Variants in COPS2 observed in about 807,000 individuals in gnomAD.
COPS2 encodes the protein COP9 signalosome complex subunit 2.
COPS2 carries 10 observed loss-of-function variants against 66.1 expected under a neutral mutation model. That is an observed-to-expected ratio of 0.15 (90% confidence interval 0.09 to 0.26). The LOEUF (loss-of-function observed/expected upper bound fraction) is 0.26. Ranked by LOEUF, COPS2 falls within the 10% of genes least tolerant of loss-of-function variation. The pLI is 1.00. For synonymous variants in COPS2, 179 were observed against 171.3 expected (o/e 1.04, Z -0.35); for missense variants, 215 against 513.3 (o/e 0.42, Z 5.62).
intron 1 of COPS2, among the ~76,000 whole-genome samples, chr15:49,147,433 A>G (rs1302224383): frequency 6.6e-6 from 1 of 152,200 alleles, no homozygotes; most frequent in Non-Finnish European, 1.5e-5. Context: ...TTTCGAGAAG[A>G]GGAAAGTAGA....
chr15:49,134,598 A>C (rs1239195446), intron 6 of COPS2, 84 bp from the exon 7 acceptor site: 1 of 1,088,978 alleles, frequency 9.2e-7, no homozygotes, highest in African/African-American at 1.6e-5. Context: ...TCTTACATTT[A>C]TAATACTATT....
chr15:49,146,023 C>G (rs2084318744), intron 1 of COPS2, among the ~76,000 whole-genome samples: 1 of 151,942 alleles, frequency 6.6e-6, no homozygotes, highest in South Asian at 2.1e-4. Flanking sequence ...TTTCTAAATC[C>G]AAATACAGGT....
chr15:49,126,533 T>C lies in COPS2; in HGVS notation c.*1417A>G, dbSNP rs1001906517. ...GTTTTTACATAATAATAACAAGCAA[T>C]AGAAAAACCAAAGAAATTATGTTAA... On this transcript the variant is annotated 3_prime_UTR_variant, in exon 13 of 13. Transcript: ENST00000388901. The C allele has an allele frequency of 1.3e-5, 2 of 152,466 alleles. No individual in the cohort carries two copies. The highest frequency in any genetic ancestry group is 2.9e-5 in the Non-Finnish European group (2 of 67,942). The allele number at this position is 152,466 out of a possible 1,614,324, so 9.4% of individuals were successfully genotyped here.
intron 1 of COPS2, among the ~76,000 whole-genome samples, chr15:49,152,105 A>G (rs1238881444): frequency 1.3e-5 from 2 of 151,714 alleles, no homozygotes; most frequent in Admixed American, 1.3e-4. Flanking sequence ...AAAAAACAAT[A>G]CATTTTTTAT....
At chr15:49,134,300 C>T (rs1482809254) in intron 7 of COPS2, 40 bp downstream of exon 7, 2 of 1,583,760 alleles carry the variant, frequency 1.3e-6, no homozygotes, top group East Asian at 4.5e-5. Flanking sequence ...ACTTTGATAT[C>T]TCCCCATGCC....
rs1200581285 is a variant in COPS2 at position 49,137,156 on chromosome 15, C to T, written c.534G>A (p.Ser178=). Residue 178 remains serine (S), a synonymous_variant, in exon 6 of 13, where the codon TCG becomes TCA. Transcript: ENST00000388901. Reference sequence around the variant, plus strand: ...AAAAATAAGGGAAAGCTACCTGGCACGACTGATGTAACTGGCGTAAAATTT... The same window carrying T: ...AAAAATAAGGGAAAGCTACCTGGCATGACTGATGTAACTGGCGTAAAATTT... ...LQKILRQLHQ[S]CQTDDGEDDL... 8.8e-6 allele frequency: 14 copies of T among 1,590,528 alleles called. No individual in the cohort carries two copies. The highest frequency in any genetic ancestry group is 9.4e-6 in the Non-Finnish European group (11 of 1,169,282).
intron 3 of COPS2, among the ~76,000 whole-genome samples, chr15:49,142,018 T>G (rs1174454279): frequency 6.6e-6 from 1 of 152,200 alleles, no homozygotes; most frequent in African/African-American, 2.4e-5. Context: ...TATAATTGTT[T>G]AATCACAAAT....
rs978572905 is a variant in COPS2, at chr15:49,126,603, A to T, written c.*1347T>A. 6 of 152,396 alleles carry T rather than the reference A, an allele frequency of 3.9e-5. No homozygotes were observed. The highest frequency in any genetic ancestry group is 7.2e-5 in the African/African-American group (3 of 41,454). 9.4% of individuals were successfully genotyped at this position (152,396 alleles called of 1,614,324 possible). A position where few individuals can be genotyped will look rare whatever the true frequency, so the allele number is the denominator to read the frequency against. On this transcript the variant is annotated 3_prime_UTR_variant, in exon 13 of 13. Coordinates refer to ENST00000388901, the MANE Select transcript of COPS2 (RefSeq NM_004236.4). ...CACTATAAAATAATGTGAACTTTTTAAAAAATGAAACAAATACATCCAAAA... is the reference window on the plus strand; with the variant it reads ...CACTATAAAATAATGTGAACTTTTTTAAAAATGAAACAAATACATCCAAAA...
intron 6 of COPS2, among the ~76,000 whole-genome samples, chr15:49,136,627 C>T (rs1440767749): frequency 6.6e-6 from 1 of 152,078 alleles, no homozygotes; most frequent in African/African-American, 2.4e-5. Flanking sequence ...AACTACATAT[C>T]AATATAATAG....
Position 49,130,738 on chromosome 15 carries a change from GA to G in COPS2, c.1025del (p.Phe342SerfsTer2). On this transcript the variant is annotated frameshift_variant, in exon 10 of 13. Coordinates refer to ENST00000388901, the MANE Select transcript of COPS2 (RefSeq NM_004236.4). LOFTEE classifies it high-confidence loss of function. ...ACATACCTTCAATGTGTTCTCTTAT[GA>G]AAGGATCATCCATGATGTTGCTGTG... ...TNHSNIMDDP[F>X]IREHIEELLR... 6.3e-7 allele frequency: 1 copy of G among 1,599,204 alleles called. No individual in the cohort carries two copies. The highest frequency in any genetic ancestry group is 8.6e-7 in the Non-Finnish European group (1 of 1,167,582).
At chr15:49,136,852 G>A (rs1481012163) in intron 6 of COPS2, among the ~76,000 whole-genome samples, 1 of 152,020 alleles carries the variant, frequency 6.6e-6, no homozygotes, top group African/African-American at 2.4e-5. Flanking sequence ...AGCTGGGCAT[G>A]GTGGTGTGCA....
intron 1 of COPS2, among the ~76,000 whole-genome samples, chr15:49,155,182 C>T (rs1191905726): frequency 1.3e-5 from 2 of 152,264 alleles, no homozygotes; most frequent in African/African-American, 4.8e-5. Flanking sequence ...AGGGCCTACA[C>T]CGCAGCATGG....
At chr15:49,129,677 A>T in intron 10 of COPS2, 118 bp from the exon 11 acceptor site, 1 of 450,030 alleles carries the variant, frequency 2.2e-6, no homozygotes, top group Non-Finnish European at 3.9e-6. Context: ...GCAATGATAT[A>T]AAGTGTTTAG....
intron 4 of COPS2, chr15:49,137,846 A>C (rs1051043292): frequency 6.0e-6 from 1 of 166,190 alleles, no homozygotes; most frequent in Non-Finnish European, 1.3e-5. Flanking sequence ...TGTAAATACC[A>C]CTCCACTCAC....
At chr15:49,145,483 T>G (rs547266480) in intron 1 of COPS2, among the ~76,000 whole-genome samples, 26 of 152,300 alleles carry the variant, frequency 1.7e-4, no homozygotes, top group Non-Finnish European at 2.8e-4. Context: ...TGTAATCTAA[T>G]TTTTCTATTC....
At chr15:49,136,311 G>A (rs923393357) in intron 6 of COPS2, among the ~76,000 whole-genome samples, 1 of 152,092 alleles carries the variant, frequency 6.6e-6, no homozygotes, top group Non-Finnish European at 1.5e-5. Flanking sequence ...ACAAAAAAGG[G>A]AATATAAAAT....
rs949076345 is a variant in COPS2 at position 49,136,153 on chromosome 15, C to A, written c.540+997G>T. The stretch of plus-strand genomic sequence containing the variant: ...GTTTCTCCCATTCACAGAAATGACA[C>A]ATATATCATTAAAATAATACTACAT... On this transcript the variant is annotated intron_variant, in intron 6 of 12. Transcript: ENST00000388901. Among the ~76,000 whole-genome samples the A allele has an allele frequency of 2.0e-5, 3 of 151,762 alleles. No homozygotes were observed. The East Asian group carries it at 5.8e-4, about 29-fold the overall frequency.
rs1200790183 is a variant in COPS2 at position 49,139,408 on chromosome 15, C to T, written c.372+120G>A. 1.8e-5 allele frequency: 14 copies of T among 769,526 alleles called. No homozygotes were observed. In the East Asian group the frequency reaches 3.7e-4, roughly 20 times the overall value. 47.7% of individuals were successfully genotyped at this position (769,526 alleles called of 1,614,324 possible). A position where few individuals can be genotyped will look rare whatever the true frequency, so the allele number is the denominator to read the frequency against. On this transcript the variant is annotated intron_variant, in intron 4 of 12. Coordinates refer to ENST00000388901, the MANE Select transcript of COPS2 (RefSeq NM_004236.4). ...TAGTACTTATCATTTTTAAAGCATA[C>T]TAATAACTAGCACAACTACTTAAAT... is the stretch of plus-strand genomic sequence containing the variant.
Position 49,133,826 on chromosome 15 carries a change from G to T in COPS2, c.895-15C>A. On this transcript the variant is annotated splice_polypyrimidine_tract_variant and intron_variant, in intron 8 of 12. Transcript: ENST00000388901. The stretch of plus-strand genomic sequence containing the variant: ...TACGGCTTGGCCTAAACACAGTAAA[G>T]AAAAAAATTAAATATATGTACAAAG... 3 of 1,568,050 alleles carry T rather than the reference G, an allele frequency of 1.9e-6. No individual in the cohort carries two copies. The highest frequency in any genetic ancestry group is 1.8e-4 in the Middle Eastern group (1 of 5,668).
Sources: allele counts gnomAD v4.1 joint callset (sites outside exome capture counted in the v4.1 genomes callset), GRCh38; gene constraint gnomAD v4.1.1; transcripts MANE v1.5; gene names NCBI Gene and HGNC (gene_info 2026-07-23, HGNC 2026-07-21).